The following USH2A variants were observed in gnomAD, a reference collection of about 807,000 sequenced individuals.
USH2A encodes Usher syndrome 2A (autosomal recessive, mild).
A neutral mutation model predicts 538.9 loss-of-function variants in USH2A; 443 were observed. The observed-to-expected ratio is 0.82, with a 90% CI of 0.76 to 0.89. USH2A has a LOEUF of 0.89. Among genes scored for constraint, USH2A ranks in the 40% least tolerant of loss-of-function variants. The probability of loss-of-function intolerance (pLI) is 0.00; values close to 1 mark genes in which losing one functional copy is unlikely to be tolerated. For synonymous variants in USH2A, 2,413 were observed against 2,273.5 expected (o/e 1.06, Z -1.75); for missense variants, 6,633 against 6,324.8 (o/e 1.05, Z -1.65).
intron 56 of USH2A, 110 bp downstream of exon 56, chr1:215,766,571 C>G: frequency 9.8e-7 from 1 of 1,015,808 alleles, no homozygotes; most frequent in Middle Eastern, 2.1e-4. Context: ...TATTTTGTAC[C>G]TATCAACTTT....
intron 47 of USH2A, among the ~76,000 whole-genome samples, chr1:215,832,515 T>C (rs1187246887): frequency 2.0e-5 from 3 of 151,928 alleles, no homozygotes; most frequent in Non-Finnish European, 2.9e-5. Flanking sequence ...ATAGTACAAA[T>C]TTAAAATGTC....
intron 29 of USH2A, among the ~76,000 whole-genome samples, chr1:216,070,534 G>A (rs1056444627): frequency 2.6e-5 from 4 of 151,982 alleles, no homozygotes; most frequent in Admixed American, 2.6e-4. Flanking sequence ...GTCTAGTCCA[G>A]GTTTTCCAAA....
chr1:216,183,728 G>A (rs1056092920), intron 20 of USH2A, among the ~76,000 whole-genome samples: 5 of 151,942 alleles, frequency 3.3e-5, no homozygotes, highest in African/African-American at 4.8e-5. Flanking sequence ...GGCAATCTGC[G>A]AGCATGCTAC....
At chr1:216,280,985 C>A (rs1343435078) in intron 11 of USH2A, among the ~76,000 whole-genome samples, 3 of 152,110 alleles carry the variant, frequency 2.0e-5, no homozygotes, top group Non-Finnish European at 2.9e-5. Flanking sequence ...GTTTATAATT[C>A]TGACACTGTT....
chr1:216,336,654 A>C (rs886140071), intron 4 of USH2A, among the ~76,000 whole-genome samples: 6 of 151,578 alleles, frequency 4.0e-5, no homozygotes, highest in African/African-American at 1.4e-4. Context: ...TGGCAAAGAA[A>C]ATTAAATGGA....
intron 32 of USH2A, among the ~76,000 whole-genome samples, chr1:216,009,250 T>G (rs1203505690): frequency 6.6e-6 from 1 of 152,000 alleles, no homozygotes; most frequent in Non-Finnish European, 1.5e-5. Flanking sequence ...CTTGCTTCCT[T>G]CACTATGGGC....
chr1:216,041,113 G>T lies in USH2A; in HGVS notation c.6325+5318C>A, dbSNP rs561770644. ...ACGTATTTATCCAGAATACACCAAG[G>T]TTACTATGGTTACGAAAAATCCATT... is the stretch of plus-strand genomic sequence containing the variant. On this transcript the variant is annotated intron_variant, in intron 32 of 71. Coordinates refer to ENST00000307340, the MANE Select transcript of USH2A (RefSeq NM_206933.4). Among the ~76,000 whole-genome samples the T allele has an allele frequency of 1.5e-3, 230 of 151,926 alleles. 1 individual carries two copies. Among genetic ancestry groups the T allele is most frequent in the Admixed American group, 2.7e-3 (41 of 15,218 alleles).
At chr1:215,960,577 T>C (rs1309335698) in intron 37 of USH2A, among the ~76,000 whole-genome samples, 1 of 152,064 alleles carries the variant, frequency 6.6e-6, no homozygotes, top group African/African-American at 2.4e-5. Flanking sequence ...TTGCACACCC[T>C]AGAAAAACTA....
At chr1:215,909,698 G>A (rs1188937136) in intron 38 of USH2A, among the ~76,000 whole-genome samples, 1 of 151,966 alleles carries the variant, frequency 6.6e-6, no homozygotes, top group Admixed American at 6.6e-5. Flanking sequence ...AGATGCGATA[G>A]GCAGGGAAGG....
chr1:215,965,923 T>TCACACACACACACA (rs34484768), intron 36 of USH2A, among the ~76,000 whole-genome samples: 16 of 142,468 alleles, frequency 1.1e-4, no homozygotes, highest in African/African-American at 3.4e-4. Flanking sequence ...CTCTTCTCTG[T>TCACACACACACACA]CACACACACA....
At chr1:216,390,538 T>C (rs1458603009) in intron 3 of USH2A, among the ~76,000 whole-genome samples, 8 of 152,196 alleles carry the variant, frequency 5.3e-5, no homozygotes, top group Non-Finnish European at 1.2e-4. Context: ...TTGGGTTACA[T>C]GCATTCTACT....
At chr1:215,626,757 T>A (rs1342933338) in intron 71 of USH2A, among the ~76,000 whole-genome samples, 2 of 152,184 alleles carry the variant, frequency 1.3e-5, no homozygotes, top group Non-Finnish European at 2.9e-5. Flanking sequence ...AGCTGTGTAA[T>A]CTCTCATTAA....
intron 45 of USH2A, among the ~76,000 whole-genome samples, chr1:215,845,111 A>G (rs1448714568): frequency 6.6e-6 from 1 of 152,132 alleles, no homozygotes; most frequent in Non-Finnish European, 1.5e-5. Flanking sequence ...GCAAAGACCT[A>G]TTTTTATCAT....
intron 3 of USH2A, among the ~76,000 whole-genome samples, chr1:216,413,374 T>A (rs938443761): frequency 6.6e-6 from 1 of 152,098 alleles, no homozygotes; most frequent in Non-Finnish European, 1.5e-5. Context: ...GGATGTTTTA[T>A]GTTCCCTCAA....
rs567940995 is a variant in USH2A at position 215,850,438 on chromosome 1, G to A, written c.8846-4405C>T. 4.6e-5 allele frequency among the ~76,000 whole-genome samples: 7 copies of A among 152,168 alleles called. No individual in the cohort carries two copies. The East Asian group carries it at 1.4e-3, about 29-fold the overall frequency. On this transcript the variant is annotated intron_variant, in intron 44 of 71. Coordinates refer to ENST00000307340, the MANE Select transcript of USH2A (RefSeq NM_206933.4). ...ACATTTTCTGGGCCCCATGCATCTG[G>A]ACTGAGATGTGAAGGAGCAATTGGC...
intron 47 of USH2A, among the ~76,000 whole-genome samples, chr1:215,837,214 A>G (rs1365513344): frequency 6.6e-6 from 1 of 152,098 alleles, no homozygotes; most frequent in Non-Finnish European, 1.5e-5. Context: ...ATCCTTCAGA[A>G]TTGAAACATT....
intron 55 of USH2A, among the ~76,000 whole-genome samples, chr1:215,773,524 CTCTCTCTCTGTCTT>C (rs1558091717): frequency 1.3e-5 from 2 of 148,844 alleles, no homozygotes; most frequent in African/African-American, 5.1e-5. Context: ...CTCTCTCTCT[CTCTCTCTCTGTCTT>C]TCTCTCTCTC....
chr1:216,251,948 C>G (rs1392224725), intron 11 of USH2A, among the ~76,000 whole-genome samples: 1 of 152,118 alleles, frequency 6.6e-6, no homozygotes, highest in Non-Finnish European at 1.5e-5. Flanking sequence ...TTACCCAACT[C>G]CCCTTTTAGG....
intron 3 of USH2A, among the ~76,000 whole-genome samples, chr1:216,398,916 C>T (rs1388055925): frequency 6.6e-6 from 1 of 152,166 alleles, no homozygotes; most frequent in Non-Finnish European, 1.5e-5. Flanking sequence ...GGAAGTTGTG[C>T]CACTCTGATT....
Sources: allele counts gnomAD v4.1 joint callset (sites outside exome capture counted in the v4.1 genomes callset), GRCh38; gene constraint gnomAD v4.1.1; transcripts MANE v1.5; gene names NCBI Gene and HGNC (gene_info 2026-07-23, HGNC 2026-07-21).